NAV3: variants seen among roughly 807,000 people sequenced by gnomAD.
NAV3 encodes the protein pore membrane and/or filament interacting like protein 1.
In NAV3, 87 loss-of-function variants were observed where a neutral mutation model predicts 244.7. That is an observed-to-expected ratio of 0.36 (90% confidence interval 0.30 to 0.42). The LOEUF (loss-of-function observed/expected upper bound fraction) is 0.42. NAV3 is among the 20% of genes least tolerant of loss of function. NAV3 has a pLI of 1.00. For synonymous variants in NAV3, 1,126 were observed against 1,042.2 expected (o/e 1.08, Z -1.55); for missense variants, 2,663 against 2,893.3 (o/e 0.92, Z 1.83).
At chr12:78,060,928 G>T (rs2137443714) in intron 12 of NAV3, among the ~76,000 whole-genome samples, 1 of 152,306 alleles carries the variant, frequency 6.6e-6, no homozygotes, top group South Asian at 2.1e-4. Context: ...TTTGGGGACA[G>T]TGGGATAATC....
chr12:78,150,629 C>CA (rs1957039757), intron 22 of NAV3, among the ~76,000 whole-genome samples: 2 of 122,532 alleles, frequency 1.6e-5, no homozygotes, highest in Non-Finnish European at 3.5e-5. Context: ...GCAAAAGCTT[C>CA]CTCACACACA....
chr12:77,956,159 C>A (rs1418437590), intron 3 of NAV3, among the ~76,000 whole-genome samples: 1 of 152,102 alleles, frequency 6.6e-6, no homozygotes, highest in Non-Finnish European at 1.5e-5. Flanking sequence ...AGGATAAATT[C>A]TATGTAATTA....
At chr12:78,009,805 A>T (rs1874943925) in intron 8 of NAV3, among the ~76,000 whole-genome samples, 1 of 152,236 alleles carries the variant, frequency 6.6e-6, no homozygotes, top group Non-Finnish European at 1.5e-5. Flanking sequence ...GATTGTATGA[A>T]AGATTAAAGA....
At chr12:78,105,564 A>G (rs1350649915) in intron 12 of NAV3, among the ~76,000 whole-genome samples, 2 of 152,086 alleles carry the variant, frequency 1.3e-5, no homozygotes, top group South Asian at 2.1e-4. Context: ...TTCCAATAAA[A>G]TTATTTGTCT....
chr12:77,762,723 TTTGTTGTTG>T (rs5799344), intron 2 of NAV3, among the ~76,000 whole-genome samples: 151 of 150,832 alleles, frequency 1.0e-3, no homozygotes, highest in African/African-American at 3.4e-3. Context: ...TCATGGGTTT[TTTGTTGTTG>T]TTGTTGTTGT....
At chr12:77,976,385 G>A (rs1868374769) in intron 5 of NAV3, among the ~76,000 whole-genome samples, 1 of 151,998 alleles carries the variant, frequency 6.6e-6, no homozygotes, top group Non-Finnish European at 1.5e-5. Context: ...GAGAACTGAG[G>A]CCTTGGATCA....
intron 5 of NAV3, among the ~76,000 whole-genome samples, chr12:77,994,137 A>C (rs1871919129): frequency 6.6e-6 from 1 of 152,276 alleles, no homozygotes. Context: ...TAATTCAAGA[A>C]TGCCCAGAAA....
intron 3 of NAV3, among the ~76,000 whole-genome samples, chr12:77,960,494 T>TAA (rs1891801336): frequency 1.3e-5 from 2 of 149,160 alleles, no homozygotes; most frequent in Non-Finnish European, 3.0e-5. Flanking sequence ...CATATATATA[T>TAA]AACACATTAA....
Position 77,786,112 on chromosome 12 carries a change from G to A in NAV3, c.73-154207G>A, listed in dbSNP as rs149848563. On this transcript the variant is annotated intron_variant, in intron 2 of 8. Transcript: ENST00000550042. ...AAAAATCCTTGCAGTTAAGATTTTTGCCAAATAGCGCCTCTTAAAAAAATC... is the reference window on the plus strand; with the variant it reads ...AAAAATCCTTGCAGTTAAGATTTTTACCAAATAGCGCCTCTTAAAAAAATC... 2.7e-3 allele frequency among the ~76,000 whole-genome samples: 405 copies of A among 152,186 alleles called. 2 individuals are homozygous for A. Among genetic ancestry groups the A allele is most frequent in the Non-Finnish European group, 4.3e-3 (289 of 67,996 alleles).
At chr12:77,955,005 G>A (rs1489444499) in intron 3 of NAV3, among the ~76,000 whole-genome samples, 1 of 152,098 alleles carries the variant, frequency 6.6e-6, no homozygotes, top group Non-Finnish European at 1.5e-5. Flanking sequence ...CATGGAGGAT[G>A]TTCCTCATTG....
Position 77,937,747 on chromosome 12 carries a change from G to A in NAV3, c.244-2572G>A, listed in dbSNP as rs1889462293. On this transcript the variant is annotated intron_variant, in intron 1 of 39. Transcript: ENST00000397909. ...ACTACAATTTCTTTAGTCTTCTGATGCCAGCCTTCTCAATTTTCTTAACAT... is the reference window on the plus strand; with the variant it reads ...ACTACAATTTCTTTAGTCTTCTGATACCAGCCTTCTCAATTTTCTTAACAT... 2.0e-5 allele frequency among the ~76,000 whole-genome samples: 3 copies of A among 152,224 alleles called. No individual in the cohort carries two copies. The South Asian group carries it at 6.2e-4, about 32-fold the overall frequency.
chr12:77,892,780 A>G (rs1261201827), intron 1 of NAV3, among the ~76,000 whole-genome samples: 6 of 152,038 alleles, frequency 3.9e-5, no homozygotes, highest in Non-Finnish European at 8.8e-5. Context: ...AATTATTTGA[A>G]CCTATTAAAC....
rs765668341 is a variant in NAV3, at chr12:78,137,193, G to A, written c.4458G>A (p.Leu1486=). ...GTTTTTCAGTGAGCCCAACAAATTT[G>A]TCTCAGTTTAACCTTCCCGGGCCCA... ...HFSNLVSPTN[L]SQFNLPGPSM... The change falls in exon 19 of 40, where the codon TTG becomes TTA. Residue 1486 remains leucine (L), a synonymous_variant. Transcript: ENST00000397909. 2.5e-6 allele frequency: 4 copies of A among 1,610,564 alleles called. No homozygotes were observed. The highest frequency in any genetic ancestry group is 1.1e-5 in the South Asian group (1 of 90,622).
At chr12:77,703,828 A>G (rs773154965) in intron 2 of NAV3, among the ~76,000 whole-genome samples, 9 of 152,202 alleles carry the variant, frequency 5.9e-5, no homozygotes, top group Non-Finnish European at 1.3e-4. Context: ...TGGAGCAGAT[A>G]AAAACAGAGA....
At chr12:78,178,523 A>C (rs936476677) in intron 28 of NAV3, among the ~76,000 whole-genome samples, 2 of 152,078 alleles carry the variant, frequency 1.3e-5, no homozygotes, top group Non-Finnish European at 2.9e-5. Context: ...CAGAAACTAA[A>C]ATTGTGGATA....
intron 23 of NAV3, among the ~76,000 whole-genome samples, chr12:78,165,979 A>AAG (rs1243197944): frequency 6.6e-6 from 1 of 151,506 alleles, no homozygotes; most frequent in Non-Finnish European, 1.5e-5. Context: ...AAAAAAAAAA[A>AAG]ATACGTATGC....
chr12:78,044,290 A>C (rs1162966967), intron 9 of NAV3, among the ~76,000 whole-genome samples: 1 of 152,030 alleles, frequency 6.6e-6, no homozygotes, highest in Non-Finnish European at 1.5e-5. Context: ...ATTGGTCTAT[A>C]TATCTGTTTT....
Position 77,703,623 on chromosome 12 carries a change from T to A in NAV3, c.72+131357T>A, listed in dbSNP as rs138785282. ...AAATTTTACAAAATAGTTATAACAT[T>A]TTCCATTTTCACAAACAAACTATGA... On this transcript the variant is annotated intron_variant, in intron 2 of 8. Coordinates refer to the NAV3 transcript ENST00000550042. 1.5e-3 allele frequency among the ~76,000 whole-genome samples: 223 copies of A among 152,282 alleles called. 1 individual carries two copies. The highest frequency in any genetic ancestry group is 5.1e-3 in the African/African-American group (210 of 41,570).
chr12:78,106,658 C>T (rs1422388377), intron 12 of NAV3, among the ~76,000 whole-genome samples: 2 of 152,196 alleles, frequency 1.3e-5, no homozygotes, highest in Non-Finnish European at 2.9e-5. Flanking sequence ...CCTCTTCTGT[C>T]AGCCACATCA....
Sources: gnomAD v4.1 joint callset for allele counts (sites outside exome capture counted in the v4.1 genomes callset) on GRCh38, gnomAD v4.1.1 for gene constraint, MANE v1.5 for transcripts, NCBI Gene and HGNC (gene_info 2026-07-23, HGNC 2026-07-21) for gene names.